DOCK1: variants seen among roughly 807,000 people sequenced by gnomAD.
DOCK1 encodes dedicator of cytokinesis protein 1.
DOCK1 carries 138 observed loss-of-function variants against 262.7 expected under a neutral mutation model. The observed-to-expected ratio is 0.53, with a 90% CI of 0.46 to 0.61. DOCK1 has a LOEUF of 0.61. Ranked by LOEUF, DOCK1 falls within the 20% of genes least tolerant of loss-of-function variation. The probability of loss-of-function intolerance (pLI) is 0.00; values close to 1 mark genes in which losing one functional copy is unlikely to be tolerated. For synonymous variants in DOCK1, 866 were observed against 867.4 expected, an observed-to-expected ratio of 1.00 and a Z score of 0.03; for missense variants, 1,908 against 2,370.7, an observed-to-expected ratio of 0.80 and a Z score of 4.05.
At chr10:126,949,978 T>A (rs1468762441) in intron 1 of DOCK1, among the ~76,000 whole-genome samples, 3 of 151,384 alleles carry the variant, frequency 2.0e-5, no homozygotes, top group Non-Finnish European at 4.4e-5. Flanking sequence ...GTCAGAAACA[T>A]TAGCCCCCCA....
At chr10:127,392,399 C>T (rs2066532352) in intron 38 of DOCK1, among the ~76,000 whole-genome samples, 1 of 152,086 alleles carries the variant, frequency 6.6e-6, no homozygotes, top group African/African-American at 2.4e-5. Context: ...CTGGATCTCC[C>T]TCTGAGGGAG....
At chr10:127,275,254 A>T (rs1411905638) in intron 29 of DOCK1, among the ~76,000 whole-genome samples, 2 of 147,132 alleles carry the variant, frequency 1.4e-5, no homozygotes, top group Non-Finnish European at 3.0e-5. Context: ...TAATAGGAAG[A>T]AAAAAAAAAA....
chr10:127,009,942 G>T (rs917759483), intron 11 of DOCK1, among the ~76,000 whole-genome samples: 1 of 152,122 alleles, frequency 6.6e-6, no homozygotes, highest in Non-Finnish European at 1.5e-5. Context: ...GCAGGCGGGC[G>T]ATGTGGTCAC....
chr10:127,301,206 G>A (rs914526404), intron 29 of DOCK1, among the ~76,000 whole-genome samples: 4 of 152,160 alleles, frequency 2.6e-5, no homozygotes, highest in African/African-American at 9.7e-5. Flanking sequence ...TGAATACAGG[G>A]TGTCAGTGTC....
intron 23 of DOCK1, among the ~76,000 whole-genome samples, chr10:127,085,488 G>T (rs569621668): frequency 2.0e-5 from 3 of 152,310 alleles, no homozygotes; most frequent in African/African-American, 7.2e-5. Flanking sequence ...GGCCGGGCGC[G>T]GTGGCTCATG....
chr10:126,986,536 A>G (rs2039403300), intron 4 of DOCK1, among the ~76,000 whole-genome samples: 2 of 152,216 alleles, frequency 1.3e-5, no homozygotes, highest in South Asian at 4.1e-4. Flanking sequence ...TACTTAGCAT[A>G]GTGCCTGACC....
chr10:127,019,724 G>C (rs146823208), intron 13 of DOCK1, among the ~76,000 whole-genome samples: 2 of 152,308 alleles, frequency 1.3e-5, no homozygotes, highest in African/African-American at 4.8e-5. Context: ...ACTCTAGCCT[G>C]GGCGACAGAT....
chr10:126,961,845 C>T (rs1415142978), intron 1 of DOCK1, among the ~76,000 whole-genome samples: 2 of 152,174 alleles, frequency 1.3e-5, no homozygotes, highest in Admixed American at 1.3e-4. Flanking sequence ...GCTTCTGGTT[C>T]TCTTGGGTAG....
rs1411448117 is a variant in DOCK1, at chr10:126,951,848, C to CAAA, written c.47-18854_47-18853insAAA. On this transcript the variant is annotated intron_variant, in intron 1 of 51. Transcript: ENST00000623213. ...TGACTATGTAACTTTACTTCAGCCT[C>CAAA]TTCATTTTTTTTTTTTTTGAGATGG... Among the ~76,000 whole-genome samples the CAAA allele has an allele frequency of 6.4e-5, 7 of 109,572 alleles. No homozygotes were observed. In the South Asian group the frequency reaches 1.8e-3, roughly 27 times the overall value. 71.9% of individuals were successfully genotyped at this position (109,572 alleles called of 152,430 possible).
At chr10:126,965,449 TC>T (rs1470738912) in intron 1 of DOCK1, among the ~76,000 whole-genome samples, 2 of 152,066 alleles carry the variant, frequency 1.3e-5, no homozygotes, top group African/African-American at 2.4e-5. Flanking sequence ...GAGTGAGAGT[TC>T]AGGAAGGTAA....
In DOCK1 at chr10:127,412,112, G is replaced by A. The variant is rs546388419; in HGVS notation, c.4428+1188G>A. On this transcript the variant is annotated intron_variant, in intron 43 of 51. Coordinates refer to ENST00000623213, the MANE Select transcript of DOCK1 (RefSeq NM_001290223.2). ...CAAGTAGCTGGGACTACAGGTGCCC[G>A]CCACTACGCCCGGCTAATTTTTTGT... Among the ~76,000 whole-genome samples the A allele has an allele frequency of 4.0e-4, 60 of 151,682 alleles. 1 individual carries two copies. The South Asian group carries it at 0.011, about 27-fold the overall frequency.
chr10:127,404,291 C>G (rs1482369001), intron 39 of DOCK1, 34 bp from the exon 40 acceptor site: 12 of 1,580,920 alleles, frequency 7.6e-6, no homozygotes, highest in Non-Finnish European at 1.0e-5. Flanking sequence ...CTTGAATACT[C>G]AAACCTGAAA....
intron 29 of DOCK1, among the ~76,000 whole-genome samples, chr10:127,314,758 C>A (rs529889352): frequency 2.6e-5 from 4 of 152,326 alleles, no homozygotes; most frequent in South Asian, 4.2e-4. Context: ...TTGGAAAGAA[C>A]CCTGTCTGTC....
At chr10:127,025,229 G>A (rs941484855) in intron 15 of DOCK1, 3 of 152,544 alleles carry the variant, frequency 2.0e-5, no homozygotes, top group Admixed American at 6.5e-5. Context: ...ACCGCCAAGA[G>A]CTTGAATATT....
chr10:127,222,770 A>C (rs2058488409), intron 27 of DOCK1, among the ~76,000 whole-genome samples: 1 of 119,818 alleles, frequency 8.3e-6, no homozygotes, highest in African/African-American at 2.8e-5. Context: ...GGCTAAAGTG[A>C]TTCTCTCACT....
At chr10:127,304,285 G>T (rs181570122) in intron 29 of DOCK1, among the ~76,000 whole-genome samples, 1 of 152,132 alleles carries the variant, frequency 6.6e-6, no homozygotes, top group Non-Finnish European at 1.5e-5. Flanking sequence ...TACCCTAGCC[G>T]CTTGTTATGA....
At chr10:127,337,154 C>T (rs557112649) in intron 29 of DOCK1, among the ~76,000 whole-genome samples, 2 of 152,222 alleles carry the variant, frequency 1.3e-5, no homozygotes, top group South Asian at 2.1e-4. Context: ...CATCACGGCA[C>T]AGCCCACCCT....
chr10:127,434,867 T>C (rs980483263), intron 48 of DOCK1, among the ~76,000 whole-genome samples: 4 of 152,160 alleles, frequency 2.6e-5, no homozygotes, highest in African/African-American at 4.8e-5. Flanking sequence ...TTAGCCAGGA[T>C]GGTCTCGATC....
chr10:127,322,191 T>C (rs1410839989), intron 29 of DOCK1, among the ~76,000 whole-genome samples: 156 of 38,402 alleles, frequency 4.1e-3, no homozygotes, highest in African/African-American at 0.017. Context: ...ATTTCCCTTT[T>C]TTTTTTTTTT....
Sources: allele counts gnomAD v4.1 joint callset (sites outside exome capture counted in the v4.1 genomes callset), GRCh38; gene constraint gnomAD v4.1.1; transcripts MANE v1.5; gene names NCBI Gene and HGNC (gene_info 2026-07-23, HGNC 2026-07-21).